CCDC33: variants seen among roughly 807,000 people sequenced by gnomAD.
CCDC33 encodes the protein coiled-coil domain-containing protein 33.
Under a neutral mutation model 91.9 loss-of-function variants are expected in CCDC33, and 94 were observed. The ratio of observed to expected loss-of-function variants is 1.02; its 90% CI spans 0.87 to 1.21. CCDC33 has a LOEUF of 1.21. CCDC33 is among the 50% of genes most tolerant of loss of function. The probability of loss-of-function intolerance (pLI) is 0.00; values close to 1 mark genes in which losing one functional copy is unlikely to be tolerated. For synonymous variants in CCDC33, 396 were observed against 374.5 expected (o/e 1.06, Z -0.66); for missense variants, 940 against 935.5 (o/e 1.00, Z -0.06).
intron 2 of CCDC33, among the ~76,000 whole-genome samples, chr15:74,254,181 C>T (rs1003332561): frequency 4.6e-5 from 7 of 151,110 alleles, no homozygotes; most frequent in Admixed American, 6.6e-5. Flanking sequence ...TACAGGCGCG[C>T]GCCACCACTC....
chr15:74,232,433 C>A (rs534765193), upstream of CCDC33, among the ~76,000 whole-genome samples: 3 of 152,288 alleles, frequency 2.0e-5, no homozygotes, highest in East Asian at 5.8e-4. Context: ...GGAACAATGA[C>A]CATAACCTGG....
At chr15:74,208,166 C>A in intron 1 of CCDC33, 1 of 629,144 alleles carries the variant, frequency 1.6e-6, no homozygotes. Context: ...GAGGGCTAGG[C>A]TAGTACTGAC....
chr15:74,294,816 A>G (rs2059652560), intron 10 of CCDC33, among the ~76,000 whole-genome samples: 1 of 152,204 alleles, frequency 6.6e-6, no homozygotes, highest in Non-Finnish European at 1.5e-5. Context: ...CAGACAGCCA[A>G]CTGCTAGACC....
At chr15:74,215,871 C>CA (rs747916597), upstream of CCDC33, among the ~76,000 whole-genome samples, 1,239 of 88,860 alleles carry the variant, frequency 0.014, 22 homozygotes, top group Middle Eastern at 0.042. Flanking sequence ...AACTCGATCT[C>CA]ACCAAAAAAA....
chr15:74,215,471 T>G (rs2074416931), upstream of CCDC33, among the ~76,000 whole-genome samples: 1 of 152,190 alleles, frequency 6.6e-6, no homozygotes, highest in African/African-American at 2.4e-5. Context: ...TGTAAATTTA[T>G]TTAACACCAC....
At chr15:74,287,506 T>C (rs2059497684) in intron 10 of CCDC33, among the ~76,000 whole-genome samples, 1 of 151,646 alleles carries the variant, frequency 6.6e-6, no homozygotes, top group African/African-American at 2.4e-5. Flanking sequence ...TCCCATCCCA[T>C]CCAAAGAAAA....
chr15:74,317,315 C>G (rs568767659), intron 11 of CCDC33, among the ~76,000 whole-genome samples: 1 of 152,156 alleles, frequency 6.6e-6, no homozygotes. Flanking sequence ...GAGCCCAGAT[C>G]GCGCCACTGT....
upstream of CCDC33, among the ~76,000 whole-genome samples, chr15:74,216,555 G>A (rs1329362556): frequency 4.4e-5 from 2 of 45,308 alleles, no homozygotes; most frequent in African/African-American, 8.2e-5. Context: ...TTTTTTTCCC[G>A]AGATGGAGTT....
intron 10 of CCDC33, among the ~76,000 whole-genome samples, chr15:74,282,063 C>T (rs2059378605): frequency 6.6e-6 from 1 of 152,154 alleles, no homozygotes; most frequent in African/African-American, 2.4e-5. Flanking sequence ...CCACCCAGAC[C>T]TTGGAGTCAG....
chr15:74,331,189 G>T lies in CCDC33; in HGVS notation c.1678-14G>T. 2 of 1,614,172 alleles carry T rather than the reference G, an allele frequency of 1.2e-6. No individual in the cohort carries two copies. The highest frequency in any genetic ancestry group is 1.7e-6 in the Non-Finnish European group (2 of 1,179,990). ...GAGCCCCTGGGCCAGCCCAGCCTCTGCTCTGCTCTCCAGGTGATCGAGAAG... is the reference window on the plus strand; with the variant it reads ...GAGCCCCTGGGCCAGCCCAGCCTCTTCTCTGCTCTCCAGGTGATCGAGAAG... On this transcript the variant is annotated splice_polypyrimidine_tract_variant and intron_variant, in intron 14 of 18. Coordinates refer to ENST00000398814, the MANE Select transcript of CCDC33 (RefSeq NM_025055.5).
intron 11 of CCDC33, among the ~76,000 whole-genome samples, chr15:74,326,804 G>A (rs1352284880): frequency 6.6e-6 from 1 of 152,106 alleles, no homozygotes; most frequent in Non-Finnish European, 1.5e-5. Context: ...GGGGGCTGGA[G>A]GGGAGGGATT....
At chr15:74,230,101 G>A (rs1191872158) in intron 2 of CCDC33, among the ~76,000 whole-genome samples, 2 of 152,222 alleles carry the variant, frequency 1.3e-5, no homozygotes, top group Non-Finnish European at 1.5e-5. Flanking sequence ...TCCTTCACAG[G>A]GACCACAGGC....
chr15:74,217,462 A>G (rs1349558515), exon 1 of CCDC33: 1 of 1,289,776 alleles, frequency 7.8e-7, no homozygotes, highest in Non-Finnish European at 1.0e-6. Context: ...GTGCAGTTGC[A>G]AGTGAATGAT....
At chr15:74,330,118 G>A in intron 11 of CCDC33, 71 bp from the exon 12 acceptor site, 2 of 1,503,818 alleles carry the variant, frequency 1.3e-6, no homozygotes, top group South Asian at 1.4e-5. Context: ...TGACTTTCAA[G>A]TGTAGATGTG....
intron 18 of CCDC33, chr15:74,335,403 T>C (rs1357425108): frequency 3.5e-6 from 2 of 578,800 alleles, no homozygotes; most frequent in Non-Finnish European, 6.2e-6. Flanking sequence ...CACTGTGCTT[T>C]AGGACTGGCT....
intron 1 of CCDC33, chr15:74,207,552 C>T: frequency 2.7e-6 from 2 of 749,228 alleles, no homozygotes; most frequent in South Asian, 3.5e-5. Flanking sequence ...CTCCACCCTC[C>T]CATCTCAGCC....
intron 5 of CCDC33, 97 bp downstream of exon 5, chr15:74,268,555 C>T: frequency 1.1e-6 from 1 of 899,962 alleles, no homozygotes; most frequent in East Asian, 2.5e-5. Context: ...CTCTGGCTGA[C>T]CTGAGGGTGT....
At chr15:74,328,591 G>A (rs139791272) in intron 11 of CCDC33, among the ~76,000 whole-genome samples, 7 of 152,344 alleles carry the variant, frequency 4.6e-5, no homozygotes, top group Non-Finnish European at 8.8e-5. Context: ...GCCAAGACCT[G>A]GAACTCAACA....
chr15:74,262,320 A>G, intron 2 of CCDC33, 120 bp from the exon 3 acceptor site: 1 of 1,336,268 alleles, frequency 7.5e-7, no homozygotes, highest in Non-Finnish European at 1.0e-6. Flanking sequence ...TATGCATGGG[A>G]CAGAGCTCTC....
Sources: allele counts gnomAD v4.1 joint callset (sites outside exome capture counted in the v4.1 genomes callset), GRCh38; gene constraint gnomAD v4.1.1; transcripts MANE v1.5; gene names NCBI Gene and HGNC (gene_info 2026-07-23, HGNC 2026-07-21).